The following CALCRL variants were observed in gnomAD, a reference collection of about 807,000 sequenced individuals.
The protein encoded by CALCRL is calcitonin receptor like receptor, also known as calcitonin gene-related peptide type 1 receptor.
CALCRL carries 27 observed loss-of-function variants against 60.4 expected under a neutral mutation model. That is an observed-to-expected ratio of 0.45 (90% CI 0.33 to 0.62). The LOEUF is 0.62. Ranked by LOEUF, CALCRL falls within the 20% of genes least tolerant of loss-of-function variation. CALCRL has a pLI of 0.03. For missense variants in CALCRL, 424 were observed against 540.7 expected (o/e 0.78, Z 2.14); for synonymous variants, 190 against 182.6 (o/e 1.04, Z -0.33).
At chr2:187,373,460 GTTCA>G (rs1687618924) in intron 8 of CALCRL, among the ~76,000 whole-genome samples, 1 of 152,014 alleles carries the variant, frequency 6.6e-6, no homozygotes, top group Non-Finnish European at 1.5e-5. Flanking sequence ...TTATAAAAAT[GTTCA>G]TTCAATGTTT....
At chr2:187,415,688 C>T (rs759564730) in intron 1 of CALCRL, 51 of 595,428 alleles carry the variant, frequency 8.6e-5, no homozygotes, top group Non-Finnish European at 1.4e-4. Flanking sequence ...CAGGTTGTCT[C>T]CTCCGACTTC....
intron 14 of CALCRL, among the ~76,000 whole-genome samples, chr2:187,348,404 T>C (rs536852835): frequency 9.2e-5 from 14 of 151,808 alleles, no homozygotes; most frequent in African/African-American, 3.4e-4. Context: ...GTAATCAATA[T>C]AGTTTCTGGT....
intron 1 of CALCRL, among the ~76,000 whole-genome samples, chr2:187,419,588 G>A (rs116186871): frequency 0.011 from 1,695 of 152,232 alleles, 38 homozygotes; most frequent in African/African-American, 0.039. Context: ...CAAAGTGAAA[G>A]CTGGCAAAAA....
intron 1 of CALCRL, among the ~76,000 whole-genome samples, chr2:187,423,346 G>A (rs1381354402): frequency 6.7e-6 from 1 of 149,672 alleles, no homozygotes; most frequent in Admixed American, 6.7e-5. Context: ...GTGCTTCAAA[G>A]TTACATGTAT....
intron 8 of CALCRL, among the ~76,000 whole-genome samples, chr2:187,375,344 C>T (rs1687709708): frequency 6.6e-6 from 1 of 151,110 alleles, no homozygotes; most frequent in Admixed American, 6.6e-5. Context: ...TACTAACTTG[C>T]CACTGAAAAA....
At chr2:187,421,385 A>G (rs1315546468) in intron 1 of CALCRL, among the ~76,000 whole-genome samples, 2 of 152,190 alleles carry the variant, frequency 1.3e-5, no homozygotes, top group African/African-American at 4.8e-5. Flanking sequence ...AGAACATGAG[A>G]CTTCCAGCAT....
At chr2:187,359,348 A>G in intron 10 of CALCRL, 76 bp from the exon 11 acceptor site, 1 of 1,083,670 alleles carries the variant, frequency 9.2e-7, no homozygotes, top group Non-Finnish European at 1.3e-6. Context: ...GTAATTAAAT[A>G]CAAAAATTCA....
At chr2:187,398,616 T>C (rs1040432813) in intron 1 of CALCRL, among the ~76,000 whole-genome samples, 1 of 151,636 alleles carries the variant, frequency 6.6e-6, no homozygotes, top group Non-Finnish European at 1.5e-5. Context: ...AAGTAGGAAC[T>C]GATTGAAATC....
At chr2:187,415,623 G>A in intron 1 of CALCRL, 1 of 614,088 alleles carries the variant, frequency 1.6e-6, no homozygotes, top group Admixed American at 2.1e-5. Context: ...TCAAGAAGGT[G>A]GTGAACCAGG....
intron 1 of CALCRL, among the ~76,000 whole-genome samples, chr2:187,403,563 G>T (rs548201878): frequency 6.6e-6 from 1 of 152,010 alleles, no homozygotes; most frequent in East Asian, 1.9e-4. Context: ...CAAAACATTC[G>T]TGTTTAAGGA....
At chr2:187,383,077 T>C (rs775830348) in intron 5 of CALCRL, 96 bp downstream of exon 5, 4 of 1,232,786 alleles carry the variant, frequency 3.2e-6, no homozygotes, top group Non-Finnish European at 4.5e-6. Flanking sequence ...CAATCTATTT[T>C]TAATAATGGA....
At chr2:187,413,456 T>G (rs1689455020) in intron 1 of CALCRL, among the ~76,000 whole-genome samples, 1 of 152,172 alleles carries the variant, frequency 6.6e-6, no homozygotes, top group South Asian at 2.1e-4. Flanking sequence ...TACCAGTTAA[T>G]GTAATTATAT....
chr2:187,375,128 C>T (rs1302903802), intron 8 of CALCRL, among the ~76,000 whole-genome samples: 5 of 151,300 alleles, frequency 3.3e-5, no homozygotes, highest in South Asian at 2.1e-4. Context: ...AAAAATTAGC[C>T]GGGCGCGGTG....
Position 187,344,799 on chromosome 2 carries a change from T to C in CALCRL, c.*1385A>G, listed in dbSNP as rs550776236. The C allele has an allele frequency of 6.6e-6, 1 of 151,852 alleles. No homozygotes were observed. Among genetic ancestry groups the C allele is most frequent in the Non-Finnish European group, 1.5e-5 (1 of 67,758 alleles). 9.4% of individuals were successfully genotyped at this position (151,852 alleles called of 1,614,324 possible). On this transcript the variant is annotated 3_prime_UTR_variant, in exon 15 of 15. Transcript: ENST00000392370. ...ATTTCCAAAGCTATATATCTTCACATAGTAAAAGTCAGTAAAGTAATATTT... is the reference window on the plus strand; with the variant it reads ...ATTTCCAAAGCTATATATCTTCACACAGTAAAAGTCAGTAAAGTAATATTT...
chr2:187,444,700 A>G (rs1310157021), intron 1 of CALCRL, among the ~76,000 whole-genome samples: 2 of 151,492 alleles, frequency 1.3e-5, no homozygotes, highest in Non-Finnish European at 3.0e-5. Flanking sequence ...CAGTGATACT[A>G]TTTTATATTT....
chr2:187,434,850 A>G (rs978480096), intron 1 of CALCRL, among the ~76,000 whole-genome samples: 1 of 152,234 alleles, frequency 6.6e-6, no homozygotes, highest in Non-Finnish European at 1.5e-5. Flanking sequence ...CAAGTCTTCA[A>G]AGAATGTATT....
intron 1 of CALCRL, among the ~76,000 whole-genome samples, chr2:187,393,557 G>T (rs1187662121): frequency 2.0e-5 from 3 of 152,042 alleles, no homozygotes; most frequent in Non-Finnish European, 2.9e-5. Flanking sequence ...TCTGCCATGA[G>T]ATTGTGAGCA....
chr2:187,345,916 A>C lies in CALCRL; in HGVS notation c.*268T>G, dbSNP rs568397597. ...GAAAAGTTGATTGTGCTTTTCTCCA[A>C]TTCCACACTTGGTGATGTCAGGTTA... On this transcript the variant is annotated 3_prime_UTR_variant, in exon 15 of 15. Coordinates refer to ENST00000392370, the MANE Select transcript of CALCRL (RefSeq NM_005795.6). The C allele has an allele frequency of 1.0e-5, 3 of 286,292 alleles. No homozygotes were observed. The highest frequency in any genetic ancestry group is 1.9e-5 in the Non-Finnish European group (3 of 154,086). 17.7% of individuals were successfully genotyped at this position (286,292 alleles called of 1,614,324 possible). A position where few individuals can be genotyped will look rare whatever the true frequency, so the allele number is the denominator to read the frequency against.
At chr2:187,409,012 C>T (rs1689249490) in intron 1 of CALCRL, among the ~76,000 whole-genome samples, 1 of 152,140 alleles carries the variant, frequency 6.6e-6, no homozygotes, top group Non-Finnish European at 1.5e-5. Flanking sequence ...TTCACAACTA[C>T]TCTTGGTTAG....
Sources: allele counts gnomAD v4.1 joint callset (sites outside exome capture counted in the v4.1 genomes callset), GRCh38; gene constraint gnomAD v4.1.1; transcripts MANE v1.5; gene names NCBI Gene and HGNC (gene_info 2026-07-23, HGNC 2026-07-21).